Variants in TENM3 observed in about 807,000 individuals in gnomAD.
The protein encoded by TENM3 is teneurin transmembrane protein 3.
A neutral mutation model predicts 255.1 loss-of-function variants in TENM3; 63 were observed. The observed-to-expected ratio is 0.25, with a 90% CI of 0.20 to 0.30. The LOEUF is 0.30. TENM3 is among the 10% of genes least tolerant of loss of function. The pLI is 1.00. For missense variants in TENM3, 2,929 were observed against 3,461.1 expected (o/e 0.85, Z 3.86); for synonymous variants, 1,306 against 1,322.3 (o/e 0.99, Z 0.27).
At chr4:182,294,808 G>A (rs1187447707) in intron 1 of TENM3, among the ~76,000 whole-genome samples, 1 of 152,148 alleles carries the variant, frequency 6.6e-6, no homozygotes, top group Non-Finnish European at 1.5e-5. Context: ...TTCTTTTTCT[G>A]GGATATGACT....
At chr4:181,928,494 A>G in the TENM3 span, among the ~76,000 whole-genome samples, 1 of 152,004 alleles carries the variant, frequency 6.6e-6, no homozygotes, top group Non-Finnish European at 1.5e-5. Flanking sequence ...AAGAATGAGT[A>G]GGAAAGAACA....
chr4:181,483,691 T>C, the TENM3 span, among the ~76,000 whole-genome samples: 1 of 152,156 alleles, frequency 6.6e-6, no homozygotes, highest in Non-Finnish European at 1.5e-5. Context: ...TCAGCCCAAC[T>C]TAAAATGCCA....
chr4:181,940,535 T>C, the TENM3 span, among the ~76,000 whole-genome samples: 1 of 152,128 alleles, frequency 6.6e-6, no homozygotes, highest in African/African-American at 2.4e-5. Flanking sequence ...TATAACATAA[T>C]AGAAAATAGT....
chr4:181,600,448 G>A, the TENM3 span, among the ~76,000 whole-genome samples: 1 of 152,226 alleles, frequency 6.6e-6, no homozygotes, highest in Non-Finnish European at 1.5e-5. Flanking sequence ...TGGCACTTTT[G>A]AGAGAAGACT....
In TENM3 at chr4:182,737,072, G is replaced by C; in HGVS notation, c.3232G>C (p.Val1078Leu). ...NQKVYGLSEA[V>L]VSVGYEYESC... The stretch of plus-strand genomic sequence containing the variant: ...GAAAGTCTATGGTCTATCTGAAGCT[G>C]TTGGTAAGTTCCATATAAATCTTTG... The change falls in exon 17 of 28, where the codon GTT (valine) becomes CTT (leucine). Residue 1078 changes from valine to leucine, a missense_variant. This residue lies in a region of TENM3 where 1,608 missense variants were observed against 1,884.4 expected (regional missense o/e 0.85). Transcript: ENST00000511685. 1 of 1,611,822 alleles carries C rather than the reference G, an allele frequency of 6.2e-7. No homozygotes were observed. The highest frequency in any genetic ancestry group is 8.5e-7 in the Non-Finnish European group (1 of 1,178,972).
At chr4:182,024,082 A>C in the TENM3 span, among the ~76,000 whole-genome samples, 1 of 152,056 alleles carries the variant, frequency 6.6e-6, no homozygotes, top group Admixed American at 6.5e-5. Flanking sequence ...ATGAAGAAAA[A>C]TATTGAATGT....
chr4:181,874,218 G>A, the TENM3 span, among the ~76,000 whole-genome samples: 14 of 152,140 alleles, frequency 9.2e-5, no homozygotes, highest in Non-Finnish European at 2.1e-4. Flanking sequence ...TGCACCCAGC[G>A]GAGTATGGCA....
chr4:181,616,555 A>G, the TENM3 span, among the ~76,000 whole-genome samples: 1 of 151,374 alleles, frequency 6.6e-6, no homozygotes, highest in Non-Finnish European at 1.5e-5. Context: ...ATATTATATG[A>G]GAGGATTTAG....
chr4:182,695,257 G>A (rs1757312795), intron 12 of TENM3, among the ~76,000 whole-genome samples: 1 of 152,102 alleles, frequency 6.6e-6, no homozygotes, highest in Non-Finnish European at 1.5e-5. Flanking sequence ...CCAGAGACAG[G>A]TTTACTGTGA....
chr4:182,528,931 A>G (rs1190695822), intron 3 of TENM3, among the ~76,000 whole-genome samples: 1 of 152,236 alleles, frequency 6.6e-6, no homozygotes, highest in African/African-American at 2.4e-5. Flanking sequence ...GATTTAAAAG[A>G]TTGTACTTTG....
At chr4:182,629,892 G>A (rs551001844) in intron 5 of TENM3, among the ~76,000 whole-genome samples, 3 of 152,350 alleles carry the variant, frequency 2.0e-5, no homozygotes, top group African/African-American at 7.2e-5. Flanking sequence ...TTTTGTGTCA[G>A]TGTTCAATGG....
intron 6 of TENM3, among the ~76,000 whole-genome samples, chr4:182,656,898 T>C (rs1753802026): frequency 6.6e-6 from 1 of 152,196 alleles, no homozygotes. Context: ...CTTTACTGAT[T>C]ATTCCTGAGA....
chr4:181,958,585 G>A, the TENM3 span, among the ~76,000 whole-genome samples: 1 of 151,958 alleles, frequency 6.6e-6, no homozygotes. Flanking sequence ...AATATTTATG[G>A]GCTTTGGTTT....
chr4:181,981,705 G>T, the TENM3 span, among the ~76,000 whole-genome samples: 1 of 152,088 alleles, frequency 6.6e-6, no homozygotes, highest in African/African-American at 2.4e-5. Context: ...GCATGAAAAA[G>T]GAGTAGATAA....
In TENM3 at chr4:182,284,907, T is replaced by C. The variant is rs1251014757; in HGVS notation, c.-75-39039T>C. Among the ~76,000 whole-genome samples the C allele has an allele frequency of 2.0e-5, 3 of 152,184 alleles. No individual in the cohort carries two copies. The East Asian group carries it at 5.8e-4, about 29-fold the overall frequency. ...TTTTCTTAAAACCATCTTTGGGAATTTGGGTGGTGTGGACCCCATGAAGAA... is the reference window on the plus strand; with the variant it reads ...TTTTCTTAAAACCATCTTTGGGAATCTGGGTGGTGTGGACCCCATGAAGAA... On this transcript the variant is annotated intron_variant, in intron 1 of 27. Coordinates refer to ENST00000511685, the MANE Select transcript of TENM3 (RefSeq NM_001080477.4).
chr4:181,980,370 G>C, the TENM3 span: 1 of 152,118 alleles, frequency 6.6e-6, no homozygotes, highest in Non-Finnish European at 1.5e-5. Context: ...GGGGAGTCCA[G>C]GCAAGGGCTG....
At chr4:182,175,357 TA>T (rs1455082709) in intron 1 of TENM3, among the ~76,000 whole-genome samples, 2 of 148,986 alleles carry the variant, frequency 1.3e-5, no homozygotes, top group African/African-American at 2.5e-5. Flanking sequence ...TTGCAAACCA[TA>T]AAAAGTCTAT....
At chr4:182,308,500 CA>C (rs1385181618) in intron 1 of TENM3, among the ~76,000 whole-genome samples, 1 of 151,898 alleles carries the variant, frequency 6.6e-6, no homozygotes, top group Non-Finnish European at 1.5e-5. Flanking sequence ...AAAAACAAAA[CA>C]AAACAAAAAA....
the TENM3 span, among the ~76,000 whole-genome samples, chr4:181,498,182 T>C: frequency 1.3e-5 from 2 of 152,092 alleles, no homozygotes; most frequent in East Asian, 1.9e-4. Flanking sequence ...ACCTACAGCC[T>C]TACCCCTAAA....
Sources: allele counts gnomAD v4.1 joint callset (sites outside exome capture counted in the v4.1 genomes callset), GRCh38; gene constraint gnomAD v4.1.1; regional missense constraint gnomAD v4.1.1; transcripts MANE v1.5; gene names NCBI Gene and HGNC (gene_info 2026-07-23, HGNC 2026-07-21).